Variants in RANBP17 observed in about 807,000 individuals in gnomAD.
RANBP17 encodes RAN binding protein 17.
Under a neutral mutation model 141.2 loss-of-function variants are expected in RANBP17, and 158 were observed. The ratio of observed to expected loss-of-function variants is 1.12; its 90% CI spans 0.98 to 1.28. The LOEUF (loss-of-function observed/expected upper bound fraction) is 1.28, where lower values mean the gene tolerates loss of function less well. RANBP17 is among the 50% of genes most tolerant of loss of function. RANBP17 has a pLI of 0.00. For missense variants in RANBP17, 1,438 were observed against 1,290.7 expected (o/e 1.11, Z -1.75); for synonymous variants, 430 against 450.0 (o/e 0.96, Z 0.56).
intron 19 of RANBP17, among the ~76,000 whole-genome samples, chr5:171,201,565 G>A (rs1158502331): frequency 6.6e-6 from 1 of 152,206 alleles, no homozygotes; most frequent in Non-Finnish European, 1.5e-5. Context: ...CGTGTCTCTT[G>A]CCACATTTAT....
chr5:171,029,742 G>A (rs761362975), intron 14 of RANBP17, among the ~76,000 whole-genome samples: 1 of 151,910 alleles, frequency 6.6e-6, no homozygotes, highest in African/African-American at 2.4e-5. Flanking sequence ...GGACAAAATA[G>A]CCTCTTATTT....
intron 14 of RANBP17, among the ~76,000 whole-genome samples, chr5:171,036,563 G>A (rs1268496607): frequency 6.6e-6 from 1 of 152,120 alleles, no homozygotes; most frequent in Non-Finnish European, 1.5e-5. Context: ...CTGGAAGTGA[G>A]CATACTACCC....
intron 25 of RANBP17, among the ~76,000 whole-genome samples, chr5:171,284,030 T>A (rs1768011452): frequency 6.6e-6 from 1 of 152,218 alleles, no homozygotes; most frequent in South Asian, 2.1e-4. Flanking sequence ...AATTGGGAAA[T>A]GTTTGGTGAC....
chr5:171,198,462 C>T (rs540305804), intron 18 of RANBP17, among the ~76,000 whole-genome samples: 1 of 152,340 alleles, frequency 6.6e-6, no homozygotes, highest in South Asian at 2.1e-4. Context: ...CCTTAAGAGT[C>T]AAAAGATCTT....
intron 14 of RANBP17, among the ~76,000 whole-genome samples, chr5:171,035,493 G>C (rs915928828): frequency 6.7e-6 from 1 of 150,012 alleles, no homozygotes; most frequent in Non-Finnish European, 1.5e-5. Context: ...AAATATGCTT[G>C]AACATGTTAA....
intron 24 of RANBP17, among the ~76,000 whole-genome samples, chr5:171,259,922 G>A (rs1766175647): frequency 1.3e-5 from 2 of 151,048 alleles, no homozygotes; most frequent in Middle Eastern, 6.9e-3. Flanking sequence ...TAGAGGTTGC[G>A]ACAAACCGAG....
intron 12 of RANBP17, among the ~76,000 whole-genome samples, chr5:170,933,776 A>T (rs1211832207): frequency 2.0e-5 from 3 of 152,148 alleles, no homozygotes; most frequent in Non-Finnish European, 2.9e-5. Context: ...GTGGTCTGAG[A>T]GACAGTTTGT....
chr5:171,081,592 G>A (rs375628087), intron 14 of RANBP17, among the ~76,000 whole-genome samples: 1 of 152,062 alleles, frequency 6.6e-6, no homozygotes. Flanking sequence ...CTTTGAGAAA[G>A]CAGCTTATTT....
chr5:170,965,114 A>C, intron 13 of RANBP17, among the ~76,000 whole-genome samples: 1 of 151,856 alleles, frequency 6.6e-6, no homozygotes. Flanking sequence ...ATGGTATCTC[A>C]TTGTGGTTTT....
chr5:171,110,667 A>G (rs367672417), intron 14 of RANBP17, among the ~76,000 whole-genome samples: 13 of 152,296 alleles, frequency 8.5e-5, no homozygotes, highest in African/African-American at 3.1e-4. Flanking sequence ...AAAAATGAAG[A>G]TCAAAAAGAA....
At chr5:171,283,758 G>A (rs1227800304) in intron 25 of RANBP17, among the ~76,000 whole-genome samples, 1 of 152,294 alleles carries the variant, frequency 6.6e-6, no homozygotes, top group East Asian at 1.9e-4. Context: ...ATAAGCACAT[G>A]TTTGTATTAT....
At chr5:170,894,340 G>T (rs1489108928) in intron 4 of RANBP17, among the ~76,000 whole-genome samples, 3 of 151,978 alleles carry the variant, frequency 2.0e-5, no homozygotes, top group Non-Finnish European at 4.4e-5. Context: ...CATTTCTCAA[G>T]CTCCCTCTTT....
At chr5:170,895,588 G>T (rs1770046646) in intron 4 of RANBP17, among the ~76,000 whole-genome samples, 2 of 152,150 alleles carry the variant, frequency 1.3e-5, no homozygotes, top group African/African-American at 4.8e-5. Flanking sequence ...TAGAACAAGA[G>T]ATTTGAATTA....
At chr5:170,935,786 A>C (rs1303837542) in intron 12 of RANBP17, among the ~76,000 whole-genome samples, 12 of 151,964 alleles carry the variant, frequency 7.9e-5, no homozygotes. Context: ...CAGATCTCAC[A>C]CTCCATGCTG....
intron 8 of RANBP17, among the ~76,000 whole-genome samples, chr5:170,914,805 A>G (rs989764100): frequency 6.6e-6 from 1 of 152,188 alleles, no homozygotes; most frequent in African/African-American, 2.4e-5. Context: ...TGAGACTCTT[A>G]GCTCCATCTT....
chr5:171,217,443 G>A (rs1260952306), intron 21 of RANBP17, among the ~76,000 whole-genome samples: 2 of 152,068 alleles, frequency 1.3e-5, no homozygotes, highest in African/African-American at 4.8e-5. Flanking sequence ...TTAAGGAGGG[G>A]TCTGTCTTTT....
At chr5:171,012,935 A>G (rs796260057) in intron 14 of RANBP17, among the ~76,000 whole-genome samples, 13 of 152,308 alleles carry the variant, frequency 8.5e-5, no homozygotes, top group African/African-American at 3.1e-4. Flanking sequence ...GTGTTAAGAT[A>G]GTCTGTATAG....
At chr5:171,096,174 G>A (rs1398086837) in intron 14 of RANBP17, among the ~76,000 whole-genome samples, 1 of 152,018 alleles carries the variant, frequency 6.6e-6, no homozygotes, top group Non-Finnish European at 1.5e-5. Context: ...AAGTGGACCC[G>A]CACAGTTCAA....
intron 8 of RANBP17, among the ~76,000 whole-genome samples, chr5:170,914,998 A>C (rs1383703773): frequency 6.6e-6 from 1 of 152,124 alleles, no homozygotes; most frequent in African/African-American, 2.4e-5. Flanking sequence ...CATTCACAGA[A>C]ATGTCCTTTT....
Sources: allele counts gnomAD v4.1 joint callset (sites outside exome capture counted in the v4.1 genomes callset), GRCh38; gene constraint gnomAD v4.1.1; transcripts MANE v1.5; gene names NCBI Gene and HGNC (gene_info 2026-07-23, HGNC 2026-07-21).